CNNM4: variants seen among roughly 807,000 people sequenced by gnomAD.
CNNM4 encodes cyclin and CBS domain divalent metal cation transport mediator 4, also known as metal transporter CNNM4.
In CNNM4, 32 loss-of-function variants were observed where a neutral mutation model predicts 53.7. That is an observed-to-expected ratio of 0.60 (90% confidence interval 0.45 to 0.80). The LOEUF is 0.80. CNNM4 is among the 30% of genes least tolerant of loss of function. CNNM4 has a pLI of 0.00. For missense variants in CNNM4, 784 were observed against 1,022.0 expected, an observed-to-expected ratio of 0.77 and a Z score of 3.17; for synonymous variants, 410 against 440.0, an observed-to-expected ratio of 0.93 and a Z score of 0.85.
At position 96,800,181 on chromosome 2, in the gene CNNM4, G is replaced by A. The variant is rs1465546772; in HGVS notation, c.1948+533G>A. 6.6e-6 allele frequency among the ~76,000 whole-genome samples: 1 copy of A among 152,082 alleles called. No homozygotes were observed. The highest frequency in any genetic ancestry group is 2.4e-5 in the African/African-American group (1 of 41,386). ...AGAAGGGAGACTGGGCACCCTCCGA[G>A]AGGTGTTATGGAAGGTCCGGGGATG... On this transcript the variant is annotated intron_variant, in intron 5 of 6. Transcript: ENST00000377075. The surrounding 1 kb of genome is among the most constrained non-coding windows in gnomAD (Gnocchi z 4.6).
intron 1 of CNNM4, among the ~76,000 whole-genome samples, chr2:96,770,449 T>C (rs1574055253): frequency 6.6e-6 from 1 of 152,208 alleles, no homozygotes; most frequent in South Asian, 2.1e-4. Context: ...TGGGAAGACA[T>C]TTCAGCGGAA....
intron 1 of CNNM4, among the ~76,000 whole-genome samples, chr2:96,779,369 C>T (rs948312557): frequency 2.6e-5 from 4 of 151,918 alleles, no homozygotes; most frequent in East Asian, 1.9e-4. Flanking sequence ...ATTAGCTGGG[C>T]GTGGTGGCAT....
chr2:96,793,414 G>A (rs1481567406), intron 1 of CNNM4, among the ~76,000 whole-genome samples: 1 of 152,180 alleles, frequency 6.6e-6, no homozygotes, highest in Admixed American at 6.5e-5. Context: ...ACCTCTGTAC[G>A]GAACCCCAGT....
At position 96,809,407 on chromosome 2, in the gene CNNM4, A is replaced by G. The variant is rs201290867; in HGVS notation, c.2218A>G (p.Met740Val). The change falls in exon 7 of 7, where the codon ATG (methionine) becomes GTG (valine). Residue 740 changes from methionine (M) to valine (V), a missense_variant. This residue lies in a region of CNNM4 where 307 missense variants were observed against 376.3 expected (regional missense o/e 0.82). Coordinates refer to ENST00000377075, the MANE Select transcript of CNNM4 (RefSeq NM_020184.4). ...TCCCATAGACGGGTGCACCACCCAC[A>G]TGGAGAACTTGGCCGAGAAGTCTGA... ...QFPIDGCTTH[M>V]ENLAEKSELP... The G allele has an allele frequency of 3.7e-6, 6 of 1,614,040 alleles. No homozygotes were observed. The highest frequency in any genetic ancestry group is 4.5e-5 in the East Asian group (2 of 44,888).
intron 5 of CNNM4, among the ~76,000 whole-genome samples, chr2:96,806,171 C>CA (rs1391448281): frequency 4.6e-5 from 7 of 151,436 alleles, no homozygotes; most frequent in Non-Finnish European, 2.9e-5. Flanking sequence ...GCTGGCCGGG[C>CA]GGGGGGCTGA....
chr2:96,786,500 C>T (rs2079017522), intron 1 of CNNM4, among the ~76,000 whole-genome samples: 1 of 151,764 alleles, frequency 6.6e-6, no homozygotes, highest in South Asian at 2.1e-4. Flanking sequence ...GTCACATGGC[C>T]AGGTACGGTG....
At chr2:96,765,222 G>C in intron 1 of CNNM4, among the ~76,000 whole-genome samples, 1 of 149,752 alleles carries the variant, frequency 6.7e-6, no homozygotes, top group Non-Finnish European at 1.5e-5. Flanking sequence ...TACCTCCCGG[G>C]TTAAAGCGAT....
chr2:96,786,080 CTG>C (rs1481695125), intron 1 of CNNM4, among the ~76,000 whole-genome samples: 1 of 151,434 alleles, frequency 6.6e-6, no homozygotes, highest in African/African-American at 2.4e-5. Context: ...GAGTGAGACT[CTG>C]TCTCAAATAA....
At chr2:96,806,516 C>T (rs2079207613) in intron 5 of CNNM4, among the ~76,000 whole-genome samples, 1 of 138,030 alleles carries the variant, frequency 7.2e-6, no homozygotes, top group Admixed American at 7.3e-5. Context: ...AACACACACA[C>T]ACACACACAC....
At chr2:96,764,179 C>T (rs1293863162) in intron 1 of CNNM4, among the ~76,000 whole-genome samples, 1 of 152,130 alleles carries the variant, frequency 6.6e-6, no homozygotes, top group Non-Finnish European at 1.5e-5. Context: ...GACCAGTCTC[C>T]CAGTCTTGAT....
chr2:96,806,000 C>T (rs1187459079), intron 5 of CNNM4, among the ~76,000 whole-genome samples: 1 of 151,058 alleles, frequency 6.6e-6, no homozygotes, highest in Admixed American at 6.6e-5. Flanking sequence ...GGCAGAGGGG[C>T]TCCTCACTTC....
chr2:96,776,345 T>A lies in CNNM4; in HGVS notation c.1402+13944T>A, dbSNP rs182012586. The stretch of plus-strand genomic sequence containing the variant: ...ACCCGGCCGCCATTGTGTTTTTTTT[T>A]AATTTACTTTTATTGATACATAATA... On this transcript the variant is annotated intron_variant, in intron 1 of 6. Transcript: ENST00000377075. Among the ~76,000 whole-genome samples the A allele has an allele frequency of 3.6e-3, 551 of 152,166 alleles. 2 individuals carry two copies. Among genetic ancestry groups the A allele is most frequent in the African/African-American group, 0.012 (497 of 41,532 alleles).
chr2:96,765,887 G>A (rs1169291099), intron 1 of CNNM4, among the ~76,000 whole-genome samples: 66 of 139,208 alleles, frequency 4.7e-4, no homozygotes, highest in East Asian at 2.3e-4. Context: ...CTCCACCTCC[G>A]ATTCTCCTGT....
chr2:96,760,936 CGGTGCGGACCGGG>C lies in CNNM4; in HGVS notation c.-62_-50del, dbSNP rs1437131357. 1.1e-6 allele frequency: 1 copy of C among 878,622 alleles called. No homozygotes were observed. Among genetic ancestry groups the C allele is most frequent in the East Asian group, 1.2e-4 (1 of 8,454 alleles). 54.4% of individuals were successfully genotyped at this position (878,622 alleles called of 1,614,324 possible). A position where few individuals can be genotyped will look rare whatever the true frequency, so the allele number is the denominator to read the frequency against. ...GGCGGCAGCGGAGCGGCCGGAGCTG[CGGTGCGGACCGGG>C]GCCGCGCGGCGTGGCGCGGGGAGCG... is the stretch of plus-strand genomic sequence containing the variant. On this transcript the variant is annotated 5_prime_UTR_variant, in exon 1 of 7. Coordinates refer to ENST00000377075, the MANE Select transcript of CNNM4 (RefSeq NM_020184.4).
chr2:96,797,605 T>C lies in CNNM4; in HGVS notation c.1639T>C (p.Ser547Pro). Residue 547 changes from serine (S) to proline (P), a missense_variant, in exon 3 of 7, where the codon TCC (serine) becomes CCC (proline). Ser to Pro is a moderately conservative substitution (Grantham distance 74, BLOSUM62 -1). Around this residue, in one of 3 missense-constraint regions of CNNM4, gnomAD observed 307 missense variants for 376.3 expected, o/e 0.82. Coordinates refer to ENST00000377075, the MANE Select transcript of CNNM4 (RefSeq NM_020184.4). The surrounding 1 kb of genome is among the most constrained non-coding windows in gnomAD (Gnocchi z 6.0). Reference sequence around the variant, plus strand: ...GGACAATGAGCTCAAAGTGAAAATCTCCCCGCAGCTCCTCCTGGCCGCTCA... The same window carrying C: ...GGACAATGAGCTCAAAGTGAAAATCCCCCCGCAGCTCCTCCTGGCCGCTCA... ...DADNELKVKI[S>P]PQLLLAAHRF... The C allele has an allele frequency of 6.2e-7, 1 of 1,614,020 alleles. No homozygotes were observed. Among genetic ancestry groups the C allele is most frequent in the Non-Finnish European group, 8.5e-7 (1 of 1,180,002 alleles).
chr2:96,780,943 C>T (rs1276513290), intron 1 of CNNM4, among the ~76,000 whole-genome samples: 3 of 123,726 alleles, frequency 2.4e-5, no homozygotes, highest in Admixed American at 9.2e-5. Flanking sequence ...AATGAGGTTT[C>T]GCCATGTTGG....
rs367842804 is a variant in CNNM4, at chr2:96,761,966, C to T, written c.967C>T (p.Leu323Phe). 98 of 1,614,072 alleles carry T rather than the reference C, an allele frequency of 6.1e-5. No individual in the cohort carries two copies. The highest frequency in any genetic ancestry group is 7.7e-5 in the Non-Finnish European group (91 of 1,180,040). Residue 323 changes from leucine to phenylalanine, a missense_variant, in exon 1 of 7, where the codon CTC (leucine) becomes TTC (phenylalanine). Leu to Phe is a conservative substitution (Grantham distance 22, BLOSUM62 0). Around this residue, in one of 3 missense-constraint regions of CNNM4, gnomAD observed 473 missense variants for 624.6 expected, o/e 0.76. Coordinates refer to ENST00000377075, the MANE Select transcript of CNNM4 (RefSeq NM_020184.4). This position sits in a 1 kb window ranked among gnomAD's most constrained non-coding sequence, Gnocchi z 6.0. Reference sequence around the variant, plus strand: ...CCCCCTCAGTTTTCCCATTAGCAAGCTCCTGGACTTTTTTCTGGGCCAGGA... The same window carrying T: ...CCCCCTCAGTTTTCCCATTAGCAAGTTCCTGGACTTTTTTCTGGGCCAGGA... ...TFPLSFPISK[L>F]LDFFLGQEIR...
chr2:96,794,068 T>C (rs1432649851), intron 1 of CNNM4, among the ~76,000 whole-genome samples: 2 of 152,132 alleles, frequency 1.3e-5, no homozygotes, highest in African/African-American at 4.8e-5. Flanking sequence ...ATTAGGGATG[T>C]GAATGTAGTG....
rs1302359877 is a variant in CNNM4, at chr2:96,772,525, G to T, written c.1402+10124G>T. 3.9e-5 allele frequency among the ~76,000 whole-genome samples: 5 copies of T among 129,632 alleles called. No individual in the cohort carries two copies. The South Asian group carries it at 1.0e-3, about 27-fold the overall frequency. The allele number at this position is 129,632 out of a possible 152,430, so 85.0% of individuals were successfully genotyped here. On this transcript the variant is annotated intron_variant, in intron 1 of 6. Transcript: ENST00000377075. ...ACTCATACCCCCCACAAAGGCACAG[G>T]CAGGCACTCACACACACATGCGTGC...
Sources: allele counts gnomAD v4.1 joint callset (sites outside exome capture counted in the v4.1 genomes callset), GRCh38; gene constraint gnomAD v4.1.1; regional missense constraint gnomAD v4.1.1; non-coding constraint Gnocchi (gnomAD v3.1); transcripts MANE v1.5; gene names NCBI Gene and HGNC (gene_info 2026-07-23, HGNC 2026-07-21).